The following ADPRHL1 variants were observed in gnomAD, a reference collection of about 807,000 sequenced individuals.
ADPRHL1 encodes inactive ADP-ribosyltransferase ARH2.
Under a neutral mutation model 44.1 loss-of-function variants are expected in ADPRHL1, and 43 were observed. That is an observed-to-expected ratio of 0.98 (90% CI 0.76 to 1.26). The LOEUF (loss-of-function observed/expected upper bound fraction) is 1.26, where lower values mean the gene tolerates loss of function less well. ADPRHL1 is among the 50% of genes most tolerant of loss of function. The pLI, the probability that ADPRHL1 is intolerant of heterozygous loss-of-function variation, is 0.00. For missense variants in ADPRHL1, 2,022 were observed against 2,496.9 expected, an observed-to-expected ratio of 0.81 and a Z score of 4.05; for synonymous variants, 878 against 1,017.4, an observed-to-expected ratio of 0.86 and a Z score of 2.61.
chr13:113,434,211 G>GA (rs1224642524), intron 2 of ADPRHL1, among the ~76,000 whole-genome samples: 1 of 152,178 alleles, frequency 6.6e-6, no homozygotes, highest in Non-Finnish European at 1.5e-5. Context: ...TAGGCATAAT[G>GA]AAACATGCAC....
In ADPRHL1 at chr13:113,422,958, G is replaced by A; in HGVS notation, c.929C>T (p.Thr310Ile). ...CAACCCGAACAGGCAGCCTGCAATGGTGCCCGTGGCCGCGCTCTCCCCTGA... is the reference window on the plus strand; with the variant it reads ...CAACCCGAACAGGCAGCCTGCAATGATGCCCGTGGCCGCGCTCTCCCCTGA... ...FHGGESAATGTIAGCLFGLLY... is the reference protein window; with the variant it reads ...FHGGESAATGIIAGCLFGLLY... Residue 310 changes from threonine to isoleucine, a missense_variant, in exon 7 of 8, where the codon ACC (threonine) becomes ATC (isoleucine). By Grantham distance (89) the Thr-to-Ile change is moderately conservative (BLOSUM62 -1). Around this residue, in one of 8 missense-constraint regions of ADPRHL1, gnomAD observed 437 missense variants for 430.7 expected, o/e 1.01. Coordinates refer to ENST00000612156, the MANE Select transcript of ADPRHL1 (RefSeq NM_001394807.1). 2 of 1,612,872 alleles carry A rather than the reference G, an allele frequency of 1.2e-6. No homozygotes were observed. The highest frequency in any genetic ancestry group is 2.2e-5 in the East Asian group (1 of 44,872).
At chr13:113,413,763 G>A (rs1417214982) in intron 7 of ADPRHL1, among the ~76,000 whole-genome samples, 5 of 152,230 alleles carry the variant, frequency 3.3e-5, no homozygotes, top group Non-Finnish European at 7.3e-5. Flanking sequence ...TGCGGGGCGA[G>A]ACCGGGCCTC....
chr13:113,406,445 T>C lies in ADPRHL1; in HGVS notation c.2837A>G (p.Gln946Arg). The C allele has an allele frequency of 8.1e-7, 1 of 1,232,086 alleles. No individual in the cohort carries two copies. Among genetic ancestry groups the C allele is most frequent in the Non-Finnish European group, 1.0e-6 (1 of 987,988 alleles). 76.3% of individuals were successfully genotyped at this position (1,232,086 alleles called of 1,614,324 possible). A position where few individuals can be genotyped will look rare whatever the true frequency, so the allele number is the denominator to read the frequency against. Residue 946 changes from glutamine (Q) to arginine (R), a missense_variant, in exon 8 of 8, where the codon CAG becomes CGG. Gln to Arg is a conservative substitution (Grantham distance 43, BLOSUM62 1). Coordinates refer to ENST00000612156, the MANE Select transcript of ADPRHL1 (RefSeq NM_001394807.1). The stretch of plus-strand genomic sequence containing the variant: ...GCCAGCAGGATCTGTCTGGAGTCTC[T>C]GTGTCAGAAGTGTCTCTGGGACACT... The part of the protein sequence containing the change: ...DHSVPETLLT[Q>R]RLQTDPAGGK...
chr13:113,412,122 A>G (rs916728395), intron 7 of ADPRHL1, among the ~76,000 whole-genome samples: 7 of 152,124 alleles, frequency 4.6e-5, no homozygotes, highest in Non-Finnish European at 1.0e-4. Flanking sequence ...GGGAGCCCCC[A>G]GCTCAGCGTG....
intron 1 of ADPRHL1, among the ~76,000 whole-genome samples, chr13:113,446,015 T>G (rs1406227240): frequency 7.9e-6 from 1 of 127,288 alleles, no homozygotes; most frequent in African/African-American, 3.1e-5. Context: ...AGAGAGTGCT[T>G]GGGGCCCAGC....
chr13:113,408,997 G>A (rs2043830361), intron 7 of ADPRHL1, among the ~76,000 whole-genome samples: 1 of 152,188 alleles, frequency 6.6e-6, no homozygotes, highest in Non-Finnish European at 1.5e-5. Flanking sequence ...GAGGAGGGCT[G>A]GGATCACTTG....
chr13:113,410,933 C>T (rs4278639), intron 7 of ADPRHL1, among the ~76,000 whole-genome samples: 37,754 of 152,232 alleles, frequency 0.25, 4,823 homozygotes, highest in Middle Eastern at 0.35. Flanking sequence ...GCTCCCTTCA[C>T]CCCAGGAGGC....
chr13:113,407,490 T>C lies in ADPRHL1; in HGVS notation c.1792A>G (p.Met598Val), dbSNP rs2043817552. 8 of 1,232,124 alleles carry C rather than the reference T, an allele frequency of 6.5e-6. No individual in the cohort carries two copies. The highest frequency in any genetic ancestry group is 3.1e-5 in the African/African-American group (2 of 64,552). The allele number at this position is 1,232,124 out of a possible 1,614,324, so 76.3% of individuals were successfully genotyped here. ...GGCATCTTGACGCAGGTGCTGGCCA[T>C]GGTGGCCGTGTGCAGCACGCGCACC... ...PEVRVLHTAT[M>V]ASTCVKMPPA... Residue 598 changes from methionine (M) to valine (V), a missense_variant, in exon 8 of 8, where the codon ATG becomes GTG. This residue lies in a region of ADPRHL1 where 1,221 missense variants were observed against 1,517.8 expected (regional missense o/e 0.80). Transcript: ENST00000612156.
intron 2 of ADPRHL1, among the ~76,000 whole-genome samples, chr13:113,442,875 G>C (rs1312861987): frequency 6.6e-6 from 1 of 152,146 alleles, no homozygotes; most frequent in Non-Finnish European, 1.5e-5. Context: ...CCTTCATCTT[G>C]GATTCTTTCT....
chr13:113,413,780 C>T (rs574159477), intron 7 of ADPRHL1, among the ~76,000 whole-genome samples: 1 of 152,332 alleles, frequency 6.6e-6, no homozygotes, highest in East Asian at 1.9e-4. Flanking sequence ...CCTCCCTCAG[C>T]GTCCCCTCAG....
chr13:113,407,384 C>T lies in ADPRHL1; in HGVS notation c.1898G>A (p.Trp633Ter). The part of the protein sequence containing the change: ...IATVVCGPRS[W>*]LSHCTKISHS... ...GCTGATTTTGGTGCAGTGGGACAGC[C>T]AGCTCCTGGGGCCACAGACGACGGT... Residue 633 changes from tryptophan to a stop codon, truncating the protein, a stop_gained, in exon 8 of 8, where the codon TGG (tryptophan) becomes TAG (stop). Transcript: ENST00000612156. LOFTEE classifies it low-confidence loss of function (END_TRUNC). 3 of 1,232,084 alleles carry T rather than the reference C, an allele frequency of 2.4e-6. No homozygotes were observed. Among genetic ancestry groups the T allele is most frequent in the Non-Finnish European group, 3.0e-6 (3 of 988,076 alleles). 76.3% of individuals were successfully genotyped at this position (1,232,084 alleles called of 1,614,324 possible).
chr13:113,449,798 G>A (rs2044167379), intron 1 of ADPRHL1, among the ~76,000 whole-genome samples: 1 of 152,206 alleles, frequency 6.6e-6, no homozygotes, highest in African/African-American at 2.4e-5. Context: ...AAGAGCCCCT[G>A]CACACTGCAA....
At chr13:113,436,897 T>C (rs1485772930) in intron 2 of ADPRHL1, among the ~76,000 whole-genome samples, 46 of 86,512 alleles carry the variant, frequency 5.3e-4, no homozygotes, top group South Asian at 1.3e-3. Flanking sequence ...AGGTGTACCC[T>C]GTGACCCAGC....
At position 113,412,646 on chromosome 13, in the gene ADPRHL1, GA is replaced by G. The variant is rs527249597; in HGVS notation, c.1062-4427del. Among the ~76,000 whole-genome samples the G allele has an allele frequency of 5.9e-3, 894 of 152,376 alleles. 7 individuals are homozygous for G. The highest frequency in any genetic ancestry group is 0.02 in the African/African-American group (822 of 41,588). ...TTGGGCACAGCCGGGCGGGCTGGCA[GA>G]AGACCCGTGGGTGGCGAACAGCCCC... On this transcript the variant is annotated intron_variant, in intron 7 of 7. Transcript: ENST00000612156.
At chr13:113,432,461 T>C (rs1265617501) in intron 3 of ADPRHL1, among the ~76,000 whole-genome samples, 2 of 152,222 alleles carry the variant, frequency 1.3e-5, no homozygotes, top group African/African-American at 2.4e-5. Flanking sequence ...TAATTTTTAA[T>C]TTGCGCCCAG....
chr13:113,442,563 C>A (rs1336048104), intron 2 of ADPRHL1, among the ~76,000 whole-genome samples: 1 of 152,228 alleles, frequency 6.6e-6, no homozygotes, highest in African/African-American at 2.4e-5. Context: ...AAGGCATCTG[C>A]TGTCATTGTT....
At chr13:113,451,182 T>G (rs2044177245) in intron 1 of ADPRHL1, among the ~76,000 whole-genome samples, 1 of 152,232 alleles carries the variant, frequency 6.6e-6, no homozygotes, top group Non-Finnish European at 1.5e-5. Flanking sequence ...ATGGCCTGGT[T>G]TTTCCTAGGC....
chr13:113,427,537 CTTTTCT>C (rs1440073223), intron 4 of ADPRHL1, among the ~76,000 whole-genome samples: 2 of 151,772 alleles, frequency 1.3e-5, no homozygotes, highest in Non-Finnish European at 2.9e-5. Context: ...CCTCTTTTTT[CTTTTCT>C]TTTTTTTTTT....
At chr13:113,424,059 C>G (rs2043945421) in intron 6 of ADPRHL1, among the ~76,000 whole-genome samples, 158 bp downstream of exon 6, 1 of 152,304 alleles carries the variant, frequency 6.6e-6, no homozygotes, top group East Asian at 1.9e-4. Flanking sequence ...GGAGCCTGTG[C>G]CCTCCCAAAG....
Sources: allele counts gnomAD v4.1 joint callset (sites outside exome capture counted in the v4.1 genomes callset), GRCh38; gene constraint gnomAD v4.1.1; regional missense constraint gnomAD v4.1.1; transcripts MANE v1.5; gene names NCBI Gene and HGNC (gene_info 2026-07-23, HGNC 2026-07-21).